Variants in ENKUR observed in about 807,000 individuals in gnomAD.
The protein encoded by ENKUR is enkurin.
ENKUR carries 19 observed loss-of-function variants against 27.6 expected under a neutral mutation model. The ratio of observed to expected loss-of-function variants is 0.69; its 90% CI spans 0.48 to 1.01. The LOEUF is 1.01. Among genes scored for constraint, ENKUR ranks in the 50% least tolerant of loss-of-function variants. ENKUR has a pLI of 0.00. For missense variants in ENKUR, 312 were observed against 310.5 expected (o/e 1.00, Z -0.04); for synonymous variants, 117 against 96.9 (o/e 1.21, Z -1.22).
chr10:25,046,396 T>C (rs942810917), intron 2 of ENKUR, among the ~76,000 whole-genome samples: 3 of 152,146 alleles, frequency 2.0e-5, no homozygotes, highest in Admixed American at 6.5e-5. Flanking sequence ...CTCCTGGGGG[T>C]AGTAAGCCCT....
In ENKUR at chr10:25,054,457, T is replaced by TTTTCTTTCTTTCTTTC. The variant is rs55635166; in HGVS notation, c.37+6639_37+6654dup. ...AATAAATAGAATGGTGTTTTTTCTCTTTTCTTTCTTTCTTTCTTTCTTTCT... is the reference window on the plus strand; with the variant it reads ...AATAAATAGAATGGTGTTTTTTCTCTTTTCTTTCTTTCTTTCTTTCTTTCTTTCTTTCTTTCTTTCT... On this transcript the variant is annotated intron_variant, in intron 2 of 5. Coordinates refer to the ENKUR transcript ENST00000615958. Among the ~76,000 whole-genome samples, 492 of 100,934 alleles carry TTTTCTTTCTTTCTTTC rather than the reference T, an allele frequency of 4.9e-3. 7 individuals are homozygous for TTTTCTTTCTTTCTTTC. Among genetic ancestry groups the TTTTCTTTCTTTCTTTC allele is most frequent in the East Asian group, 9.3e-3 (28 of 3,026 alleles). 66.2% of individuals were successfully genotyped at this position (100,934 alleles called of 152,430 possible).
At position 24,982,618 on chromosome 10, in the gene ENKUR, C is replaced by T. The variant is rs944416553; in HGVS notation, c.*1752G>A. The T allele has an allele frequency of 2.6e-5, 4 of 152,190 alleles. No homozygotes were observed. Among genetic ancestry groups the T allele is most frequent in the Non-Finnish European group, 4.4e-5 (3 of 68,062 alleles). 9.4% of individuals were successfully genotyped at this position (152,190 alleles called of 1,614,324 possible). On this transcript the variant is annotated 3_prime_UTR_variant, in exon 6 of 6. Coordinates refer to ENST00000331161, the MANE Select transcript of ENKUR (RefSeq NM_145010.4). Reference sequence around the variant, plus strand: ...TCAGTCACTGGTCAGCTGTCCAAGTCAGATGTTTGTCCCTCTTTTGGGTGA... The same window carrying T: ...TCAGTCACTGGTCAGCTGTCCAAGTTAGATGTTTGTCCCTCTTTTGGGTGA...
upstream of ENKUR, among the ~76,000 whole-genome samples, chr10:25,017,516 C>T (rs921611320): frequency 1.3e-5 from 2 of 151,864 alleles, no homozygotes; most frequent in East Asian, 3.9e-4. Context: ...AACACAATGG[C>T]CTGGTGAACC....
intron 2 of ENKUR, among the ~76,000 whole-genome samples, chr10:25,030,947 G>A (rs984297229): frequency 7.2e-5 from 11 of 151,958 alleles, no homozygotes; most frequent in Admixed American, 1.3e-4. Context: ...GTGAAACCCC[G>A]TCTCTACTAA....
intron 2 of ENKUR, chr10:25,025,463 C>A: frequency 6.3e-7 from 1 of 1,586,218 alleles, no homozygotes; most frequent in Non-Finnish European, 8.6e-7. Flanking sequence ...TGAAAGCTTT[C>A]AGAGTAAATT....
chr10:25,059,112 C>T (rs1420983690), intron 2 of ENKUR, among the ~76,000 whole-genome samples: 3 of 144,418 alleles, frequency 2.1e-5, no homozygotes, highest in Non-Finnish European at 4.5e-5. Context: ...GTTTGTTTTG[C>T]CCTAATATTC....
chr10:25,016,428 G>C (rs915713239), upstream of ENKUR, among the ~76,000 whole-genome samples: 1 of 152,238 alleles, frequency 6.6e-6, no homozygotes, highest in African/African-American at 2.4e-5. Context: ...CACCCAATAA[G>C]GTTTTTGTGA....
chr10:25,025,151 C>G (rs149191706), intron 2 of ENKUR: 14 of 1,614,106 alleles, frequency 8.7e-6, no homozygotes, highest in Non-Finnish European at 1.1e-5. Flanking sequence ...GATCCACACA[C>G]TGCTGTTGCA....
rs1193209709 is a variant in ENKUR at position 25,061,137 on chromosome 10, C to G, written c.12G>C (p.Glu4Asp). The change falls in exon 2 of 6, where the codon GAG becomes GAC. Residue 4 changes from glutamate to aspartate, a missense_variant. Transcript: ENST00000615958. ...CTGGGGAGCCACCTCCAGTCACCCGCTCTGTCTTCATGCTCCGTGGTGAAC... is the reference window on the plus strand; with the variant it reads ...CTGGGGAGCCACCTCCAGTCACCCGGTCTGTCTTCATGCTCCGTGGTGAAC... The G allele has an allele frequency of 6.5e-6, 10 of 1,536,104 alleles. No homozygotes were observed. The South Asian group carries it at 1.1e-4, about 16-fold the overall frequency.
chr10:25,002,477 CAG>C (rs1345918669), intron 1 of ENKUR, among the ~76,000 whole-genome samples: 2 of 152,160 alleles, frequency 1.3e-5, no homozygotes, highest in African/African-American at 2.4e-5. Context: ...AATTTCTCTC[CAG>C]AGAGTATGCT....
intron 2 of ENKUR, among the ~76,000 whole-genome samples, chr10:25,038,453 T>C (rs984306426): frequency 1.3e-5 from 2 of 152,240 alleles, no homozygotes; most frequent in African/African-American, 4.8e-5. Flanking sequence ...AACTTCATTA[T>C]AGTGACAGCA....
chr10:25,055,545 C>CAAAAAAAAA (rs142864120), intron 2 of ENKUR, among the ~76,000 whole-genome samples: 1 of 94,340 alleles, frequency 1.1e-5, no homozygotes. Context: ...AACAAATTGG[C>CAAAAAAAAA]AAAAAAAAAA....
At chr10:25,057,666 G>A (rs1239549945) in intron 2 of ENKUR, among the ~76,000 whole-genome samples, 2 of 152,042 alleles carry the variant, frequency 1.3e-5, no homozygotes, top group African/African-American at 4.8e-5. Context: ...ATAAGGAAAT[G>A]GTCTTACTCA....
intron 3 of ENKUR, 92 bp downstream of exon 3, chr10:24,995,554 A>T: frequency 9.0e-7 from 1 of 1,112,418 alleles, no homozygotes; most frequent in East Asian, 2.4e-5. Flanking sequence ...GTCCAATGAG[A>T]GCACTAATAA....
chr10:24,998,693 T>G (rs1322095875), intron 2 of ENKUR, among the ~76,000 whole-genome samples: 1 of 152,148 alleles, frequency 6.6e-6, no homozygotes, highest in East Asian at 1.9e-4. Context: ...ACTTTTCATC[T>G]ACTCTCCCTT....
intron 1 of ENKUR, among the ~76,000 whole-genome samples, chr10:25,008,291 G>C (rs1282770140): frequency 6.6e-6 from 1 of 152,114 alleles, no homozygotes; most frequent in Non-Finnish European, 1.5e-5. Flanking sequence ...TTGAATATAA[G>C]TTAATTAAAA....
At chr10:25,037,072 T>C (rs1176389679) in intron 2 of ENKUR, among the ~76,000 whole-genome samples, 1 of 152,220 alleles carries the variant, frequency 6.6e-6, no homozygotes, top group Non-Finnish European at 1.5e-5. Flanking sequence ...GCATGGGGCA[T>C]GTGCTGTTCA....
At chr10:25,047,452 G>C (rs898464770) in intron 2 of ENKUR, among the ~76,000 whole-genome samples, 2 of 152,112 alleles carry the variant, frequency 1.3e-5, no homozygotes, top group African/African-American at 4.8e-5. Context: ...TTTCAGAAGA[G>C]CTAACAAGTA....
intron 2 of ENKUR, among the ~76,000 whole-genome samples, chr10:25,027,965 T>A (rs1850888872): frequency 6.6e-6 from 1 of 152,160 alleles, no homozygotes; most frequent in African/African-American, 2.4e-5. Context: ...GGTGTGTCAA[T>A]AAGTGAAAAA....
Sources: gnomAD v4.1 joint callset for allele counts (sites outside exome capture counted in the v4.1 genomes callset) on GRCh38, gnomAD v4.1.1 for gene constraint, MANE v1.5 for transcripts, NCBI Gene and HGNC (gene_info 2026-07-23, HGNC 2026-07-21) for gene names.